PDCL3: variants seen among roughly 807,000 people sequenced by gnomAD.
PDCL3 encodes the protein phosducin like 3.
A neutral mutation model predicts 26.5 loss-of-function variants in PDCL3; 22 were observed. The ratio of observed to expected loss-of-function variants is 0.83; its 90% CI spans 0.59 to 1.19. PDCL3 has a LOEUF of 1.19. PDCL3 is among the 50% of genes most tolerant of loss of function. The probability of loss-of-function intolerance (pLI) is 0.00; values close to 1 mark genes in which losing one functional copy is unlikely to be tolerated. For synonymous variants in PDCL3, 81 were observed against 104.9 expected (o/e 0.77, Z 1.39); for missense variants, 246 against 294.1 (o/e 0.84, Z 1.20).
At chr2:100,563,259 G>C in intron 1 of PDCL3, 186 bp downstream of exon 1, 1 of 598,286 alleles carries the variant, frequency 1.7e-6, no homozygotes. Context: ...AGGACCCACG[G>C]CCTGGGCGTC....
At chr2:100,564,646 A>T (rs1322790444) in intron 1 of PDCL3, among the ~76,000 whole-genome samples, 1 of 152,128 alleles carries the variant, frequency 6.6e-6, no homozygotes, top group African/African-American at 2.4e-5. Flanking sequence ...TTGGGGTTGG[A>T]GACCGATTAT....
intron 4 of PDCL3, among the ~76,000 whole-genome samples, chr2:100,570,383 G>T (rs1675142933): frequency 6.6e-6 from 1 of 151,796 alleles, no homozygotes; most frequent in Non-Finnish European, 1.5e-5. Flanking sequence ...AGTAGTAATT[G>T]CCTGAACTGT....
Position 100,563,315 on chromosome 2 carries a change from A to G in PDCL3, c.6+242A>G, listed in dbSNP as rs10197434. The G allele has an allele frequency of 7.1e-3, 3,450 of 483,098 alleles. 87 individuals carry two copies. The highest frequency in any genetic ancestry group is 0.058 in the African/African-American group (2,810 of 48,576). 29.9% of individuals were successfully genotyped at this position (483,098 alleles called of 1,614,324 possible). A position where few individuals can be genotyped will look rare whatever the true frequency, so the allele number is the denominator to read the frequency against. On this transcript the variant is annotated intron_variant, in intron 1 of 5. Transcript: ENST00000264254. The stretch of plus-strand genomic sequence containing the variant: ...CCCCCAAACCTCGTCCTCCGGGACT[A>G]TGTCTTCTCGCGGTCTCTACCCACC...
chr2:100,572,976 C>A (rs1026042076), intron 5 of PDCL3, among the ~76,000 whole-genome samples: 1 of 152,066 alleles, frequency 6.6e-6, no homozygotes, highest in Non-Finnish European at 1.5e-5. Context: ...CCTCCACCTT[C>A]TGGTTTCAAG....
intron 2 of PDCL3, among the ~76,000 whole-genome samples, chr2:100,567,829 TG>T (rs747218794): frequency 0.034 from 4,978 of 148,192 alleles, 115 homozygotes; most frequent in Non-Finnish European, 0.047. Context: ...TTCTCTTTTT[TG>T]TTTTTTTTTT....
At position 100,563,086 on chromosome 2, in the gene PDCL3, G is replaced by C. The variant is rs193166667; in HGVS notation, c.6+13G>C. The C allele has an allele frequency of 1.2e-6, 2 of 1,601,778 alleles. No homozygotes were observed. The highest frequency in any genetic ancestry group is 4.5e-5 in the East Asian group (2 of 44,366). ...AAACAAGATGCAGGTGAGCTAGGAC[G>C]GGTCTCGGGTCTGGGGGCTGCGGCC... On this transcript the variant is annotated intron_variant, in intron 1 of 5. Transcript: ENST00000264254.
chr2:100,563,057 C>G lies in PDCL3; in HGVS notation c.-11C>G. On this transcript the variant is annotated 5_prime_UTR_variant, in exon 1 of 6. Transcript: ENST00000264254. ...GGCACAGCTGGTTTGAGCAACTGAA[C>G]TGGAAACAAGATGCAGGTGAGCTAG... 6.2e-7 allele frequency: 1 copy of G among 1,604,112 alleles called. No homozygotes were observed. Among genetic ancestry groups the G allele is most frequent in the Admixed American group, 1.7e-5 (1 of 58,554 alleles).
rs374692902 is a variant in PDCL3, at chr2:100,571,734, A to C, written c.513A>C (p.Glu171Asp). 23 of 1,614,068 alleles carry C rather than the reference A, an allele frequency of 1.4e-5. No homozygotes were observed. Among genetic ancestry groups the C allele is most frequent in the Non-Finnish European group, 1.9e-5 (23 of 1,180,034 alleles). The change falls in exon 5 of 6, where the codon GAA becomes GAC. Residue 171 changes from glutamate to aspartate, a missense_variant. Physicochemically the swap from Glu to Asp is conservative, Grantham distance 45. Coordinates refer to ENST00000264254, the MANE Select transcript of PDCL3 (RefSeq NM_024065.5). ...RNLPTIFVYL[E>D]GDIKAQFIGP... ...TGCCCACGATATTTGTTTACCTGGA[A>C]GGAGATATCAAGGCTCAGTTTATTG...
rs1675105740 is a variant in PDCL3 at position 100,568,799 on chromosome 2, A to G, written c.134-132A>G. ...CTAATGTAGTGTGGTGCCTTAAGTA[A>G]TTTTTGTTTAGGTAGGCTAAGGATC... On this transcript the variant is annotated intron_variant, in intron 2 of 5. Transcript: ENST00000264254. The G allele has an allele frequency of 4.3e-6, 3 of 695,362 alleles. No homozygotes were observed. In the East Asian group the frequency reaches 7.9e-5, roughly 18 times the overall value. The allele number at this position is 695,362 out of a possible 1,614,324, so 43.1% of individuals were successfully genotyped here. A position where few individuals can be genotyped will look rare whatever the true frequency, so the allele number is the denominator to read the frequency against.
At chr2:100,571,934 G>A (rs1675185113) in intron 5 of PDCL3, 136 bp downstream of exon 5, 7 of 811,936 alleles carry the variant, frequency 8.6e-6, no homozygotes, top group Middle Eastern at 2.3e-4. Flanking sequence ...ACGGAAGCAC[G>A]TTTAATCTCT....
chr2:100,569,824 G>A, intron 4 of PDCL3, 103 bp downstream of exon 4: 1 of 1,387,554 alleles, frequency 7.2e-7, no homozygotes, highest in Non-Finnish European at 9.7e-7. Context: ...TTTTTTTTCT[G>A]GGCCAGGCGC....
Position 100,563,055 on chromosome 2 carries a change from A to G in PDCL3, c.-13A>G. ...GCGGCACAGCTGGTTTGAGCAACTGAACTGGAAACAAGATGCAGGTGAGCT... is the reference window on the plus strand; with the variant it reads ...GCGGCACAGCTGGTTTGAGCAACTGGACTGGAAACAAGATGCAGGTGAGCT... On this transcript the variant is annotated 5_prime_UTR_variant, in exon 1 of 6. Transcript: ENST00000264254. 3 of 1,603,666 alleles carry G rather than the reference A, an allele frequency of 1.9e-6. No homozygotes were observed. Among genetic ancestry groups the G allele is most frequent in the Non-Finnish European group, 2.6e-6 (3 of 1,175,720 alleles).
chr2:100,567,065 T>C (rs2971007), intron 2 of PDCL3, among the ~76,000 whole-genome samples: 74,935 of 151,942 alleles, frequency 0.49, 19,893 homozygotes, highest in East Asian at 0.97. Flanking sequence ...CAAAGGCAGT[T>C]GTACTGTCTG....
At chr2:100,572,476 T>G (rs2104396312) in intron 5 of PDCL3, among the ~76,000 whole-genome samples, 1 of 152,190 alleles carries the variant, frequency 6.6e-6, no homozygotes, top group East Asian at 1.9e-4. Context: ...CCTCCCAAAG[T>G]GCTGGGATTA....
rs368657705 is a variant in PDCL3, at chr2:100,565,416, A to G, written c.7-1087A>G. 1.5e-4 allele frequency among the ~76,000 whole-genome samples: 23 copies of G among 151,770 alleles called. No individual in the cohort carries two copies. The East Asian group carries it at 2.7e-3, about 18-fold the overall frequency. Reference sequence around the variant, plus strand: ...CAGCCTCCCGAGTAGCTGGGACTACAGGCGCCCGCCACCACGCCCGGCTAA... The same window carrying G: ...CAGCCTCCCGAGTAGCTGGGACTACGGGCGCCCGCCACCACGCCCGGCTAA... On this transcript the variant is annotated intron_variant, in intron 1 of 5. Coordinates refer to ENST00000264254, the MANE Select transcript of PDCL3 (RefSeq NM_024065.5).
At chr2:100,565,804 C>T (rs1333551058) in intron 1 of PDCL3, among the ~76,000 whole-genome samples, 6 of 152,174 alleles carry the variant, frequency 3.9e-5, no homozygotes, top group African/African-American at 9.7e-5. Context: ...TTGTCTGTAA[C>T]ACAGGTGACT....
At chr2:100,570,395 T>G (rs1316154564) in intron 4 of PDCL3, among the ~76,000 whole-genome samples, 2 of 152,076 alleles carry the variant, frequency 1.3e-5, no homozygotes, top group African/African-American at 4.8e-5. Context: ...CTGAACTGTG[T>G]GATACTGAGG....
chr2:100,567,003 T>C (rs887445480), intron 2 of PDCL3, among the ~76,000 whole-genome samples: 17 of 152,192 alleles, frequency 1.1e-4, no homozygotes, highest in Non-Finnish European at 1.6e-4. Flanking sequence ...ATTGCTTCAT[T>C]TGGGGAGGCA....
intron 5 of PDCL3, among the ~76,000 whole-genome samples, chr2:100,575,358 A>C (rs574282620): frequency 6.6e-6 from 1 of 152,116 alleles, no homozygotes; most frequent in Non-Finnish European, 1.5e-5. Flanking sequence ...GATGGTCTCG[A>C]TCTCCAGACT....
Sources: allele counts gnomAD v4.1 joint callset (sites outside exome capture counted in the v4.1 genomes callset), GRCh38; gene constraint gnomAD v4.1.1; transcripts MANE v1.5; gene names NCBI Gene and HGNC (gene_info 2026-07-23, HGNC 2026-07-21).